The following AFG2A variants were observed in gnomAD, a reference collection of about 807,000 sequenced individuals.
AFG2A encodes ATPase family gene 2 protein homolog A.
At chr4:122,968,990 G>C in the AFG2A span, among the ~76,000 whole-genome samples, 1 of 152,034 alleles carries the variant, frequency 6.6e-6, no homozygotes, top group Non-Finnish European at 1.5e-5. Context: ...TTGATTTGTG[G>C]AAGTTATTAA....
the AFG2A span, among the ~76,000 whole-genome samples, chr4:123,140,343 C>T: frequency 1.3e-4 from 20 of 151,994 alleles, no homozygotes; most frequent in Non-Finnish European, 5.9e-5. Flanking sequence ...GCTTAAAATT[C>T]TGGTTTTCTT....
the AFG2A span, among the ~76,000 whole-genome samples, chr4:123,130,356 C>A: frequency 3.7e-4 from 57 of 152,216 alleles, no homozygotes; most frequent in East Asian, 6.4e-3. Flanking sequence ...AATTGGGTAA[C>A]CACCAACACA....
chr4:123,045,677 A>G, the AFG2A span, among the ~76,000 whole-genome samples: 7 of 152,168 alleles, frequency 4.6e-5, no homozygotes, highest in Non-Finnish European at 1.0e-4. Context: ...CTTGATTTTA[A>G]CTTGTCGTAT....
the AFG2A span, among the ~76,000 whole-genome samples, chr4:122,935,142 T>G: frequency 1.3e-5 from 2 of 152,186 alleles, no homozygotes; most frequent in African/African-American, 4.8e-5. Flanking sequence ...ATGGCTTGAC[T>G]CAGGAAACTC....
At chr4:123,147,368 A>G in the AFG2A span, among the ~76,000 whole-genome samples, 6 of 152,240 alleles carry the variant, frequency 3.9e-5, no homozygotes, top group African/African-American at 1.2e-4. Context: ...TACAGGTATT[A>G]CGTTTGAGAG....
chr4:123,123,951 CAA>C, the AFG2A span, among the ~76,000 whole-genome samples: 4 of 35,776 alleles, frequency 1.1e-4, no homozygotes, highest in East Asian at 8.9e-4. Context: ...AACTCCGTCT[CAA>C]AAAAAAAAAA....
the AFG2A span, among the ~76,000 whole-genome samples, chr4:123,222,465 C>T: frequency 2.0e-5 from 3 of 152,100 alleles, no homozygotes; most frequent in Non-Finnish European, 1.5e-5. Flanking sequence ...CATAAAATCA[C>T]ACAAGGCATA....
the AFG2A span, among the ~76,000 whole-genome samples, chr4:123,137,267 C>T: frequency 6.6e-5 from 10 of 152,246 alleles, no homozygotes; most frequent in East Asian, 1.9e-3. Flanking sequence ...GATTATGCTG[C>T]TATTCATGTA....
chr4:123,308,924 G>A, the AFG2A span, among the ~76,000 whole-genome samples: 1 of 152,034 alleles, frequency 6.6e-6, no homozygotes, highest in Admixed American at 6.6e-5. Flanking sequence ...CCTTCCTTCT[G>A]TCTCTCATGT....
chr4:123,171,670 T>C, the AFG2A span, among the ~76,000 whole-genome samples: 57 of 152,308 alleles, frequency 3.7e-4, no homozygotes, highest in Admixed American at 9.8e-4. Context: ...AGAAACATTA[T>C]GTCTTGTTCA....
chr4:122,931,465 A>C, the AFG2A span, among the ~76,000 whole-genome samples: 1 of 152,164 alleles, frequency 6.6e-6, no homozygotes, highest in African/African-American at 2.4e-5. Context: ...GTGTATATAC[A>C]TACATGCAAC....
At chr4:123,203,650 T>C in the AFG2A span, among the ~76,000 whole-genome samples, 35 of 152,258 alleles carry the variant, frequency 2.3e-4, no homozygotes, top group Non-Finnish European at 4.0e-4. Flanking sequence ...TTTATCTGTC[T>C]AAGGACATTT....
the AFG2A span, among the ~76,000 whole-genome samples, chr4:123,313,445 G>A: frequency 6.6e-6 from 1 of 152,224 alleles, no homozygotes; most frequent in Non-Finnish European, 1.5e-5. Context: ...GACACGGTGT[G>A]TTGATGAGCA....
chr4:123,070,102 C>T, the AFG2A span, among the ~76,000 whole-genome samples: 1 of 152,162 alleles, frequency 6.6e-6, no homozygotes, highest in East Asian at 1.9e-4. Flanking sequence ...TTTGAAGCTT[C>T]TGAAAATCTT....
the AFG2A span, among the ~76,000 whole-genome samples, chr4:123,130,773 A>T: frequency 1.3e-5 from 2 of 152,188 alleles, no homozygotes; most frequent in East Asian, 3.8e-4. Flanking sequence ...ATATGATTCT[A>T]GGAGTGGATT....
chr4:123,172,974 C>T, the AFG2A span, among the ~76,000 whole-genome samples: 2 of 151,664 alleles, frequency 1.3e-5, no homozygotes, highest in African/African-American at 2.4e-5. Flanking sequence ...ATCACAAGGC[C>T]GAAAATGGAA....
chr4:123,216,486 A>G, the AFG2A span, among the ~76,000 whole-genome samples: 1 of 152,196 alleles, frequency 6.6e-6, no homozygotes, highest in South Asian at 2.1e-4. Flanking sequence ...AACTATTAAA[A>G]TGGTGATACA....
chr4:122,934,712 A>G, the AFG2A span: 9 of 1,589,070 alleles, frequency 5.7e-6, no homozygotes, highest in African/African-American at 1.2e-4. Flanking sequence ...TTGCCCCTCA[A>G]ACAGCCTGAG....
At chr4:123,006,214 T>G in the AFG2A span, among the ~76,000 whole-genome samples, 5 of 152,152 alleles carry the variant, frequency 3.3e-5, no homozygotes, top group African/African-American at 1.2e-4. Flanking sequence ...TCTTTAATGG[T>G]TTTGCTCCAC....
Sources: gnomAD v4.1 joint callset for allele counts (sites outside exome capture counted in the v4.1 genomes callset) on GRCh38, gnomAD v4.1.1 for gene constraint, MANE v1.5 for transcripts, NCBI Gene and HGNC (gene_info 2026-07-23, HGNC 2026-07-21) for gene names.